The following TTC7A variants were observed in gnomAD, a reference collection of about 807,000 sequenced individuals.
TTC7A encodes tetratricopeptide repeat domain 7A.
In TTC7A, 110 loss-of-function variants were observed where a neutral mutation model predicts 103.7. The ratio of observed to expected loss-of-function variants is 1.06; its 90% CI spans 0.91 to 1.24. TTC7A has a LOEUF of 1.24. Ranked by LOEUF, TTC7A falls within the 50% of genes most tolerant of loss-of-function variation. TTC7A has a pLI of 0.00. For missense variants in TTC7A, 1,340 were observed against 1,116.3 expected (o/e 1.20, Z -2.86); for synonymous variants, 521 against 467.9 (o/e 1.11, Z -1.47).
chr2:47,061,206 A>T (rs547520838), intron 19 of TTC7A, among the ~76,000 whole-genome samples: 129 of 152,242 alleles, frequency 8.5e-4, no homozygotes, highest in African/African-American at 2.9e-3. Context: ...GTCTGTGTTG[A>T]TGACAAAATC....
At chr2:46,946,327 A>T (rs1031884602) in intron 1 of TTC7A, among the ~76,000 whole-genome samples, 2 of 152,238 alleles carry the variant, frequency 1.3e-5, no homozygotes, top group Non-Finnish European at 2.9e-5. Flanking sequence ...TGGGATAGGT[A>T]GTAGGTTTCG....
At chr2:46,986,314 G>A (rs1675002149) in intron 5 of TTC7A, among the ~76,000 whole-genome samples, 1 of 152,218 alleles carries the variant, frequency 6.6e-6, no homozygotes, top group Non-Finnish European at 1.5e-5. Flanking sequence ...CGTGAGGGGA[G>A]TCAGGTTTAG....
At chr2:47,017,923 A>G (rs952745408) in intron 11 of TTC7A, among the ~76,000 whole-genome samples, 4 of 122,412 alleles carry the variant, frequency 3.3e-5, no homozygotes, top group African/African-American at 9.4e-5. Context: ...TATAATACAT[A>G]TACAAAATAT....
intron 19 of TTC7A, among the ~76,000 whole-genome samples, chr2:47,072,387 C>T (rs1412819090): frequency 6.6e-6 from 1 of 152,240 alleles, no homozygotes; most frequent in Non-Finnish European, 1.5e-5. Context: ...GCCAGCGCCT[C>T]TGGAGAGGGA....
At chr2:46,976,225 G>A (rs192509066) in intron 4 of TTC7A, among the ~76,000 whole-genome samples, 3 of 152,150 alleles carry the variant, frequency 2.0e-5, no homozygotes, top group African/African-American at 7.2e-5. Flanking sequence ...GGATGAAATC[G>A]GTCCTGTTGT....
intron 3 of TTC7A, among the ~76,000 whole-genome samples, chr2:46,965,404 C>T: frequency 6.6e-6 from 1 of 152,166 alleles, no homozygotes. Context: ...GTCCCTGTGG[C>T]ACTGCTGTCT....
Position 46,967,083 on chromosome 2 carries a change from C to T in TTC7A, c.518-7890C>T, listed in dbSNP as rs553002550. On this transcript the variant is annotated intron_variant, in intron 3 of 19. Coordinates refer to ENST00000319190, the MANE Select transcript of TTC7A (RefSeq NM_020458.4). ...TAAAAATTAGCCAGGCGTGGTGGCG[C>T]GTGCCTGTAATTCCAGCTACTCAGG... Among the ~76,000 whole-genome samples, 264 of 152,040 alleles carry T rather than the reference C, an allele frequency of 1.7e-3. 1 individual carries two copies. The highest frequency in any genetic ancestry group is 6.8e-3 in the Middle Eastern group (2 of 294).
chr2:47,006,693 A>C lies in TTC7A; in HGVS notation c.1256A>C (p.Gln419Pro). 1 of 1,614,180 alleles carries C rather than the reference A, an allele frequency of 6.2e-7. No homozygotes were observed. The highest frequency in any genetic ancestry group is 8.5e-7 in the Non-Finnish European group (1 of 1,180,008). Reference sequence around the variant, plus strand: ...TTTGGAGAATTTCACCTTTGGTACCAGGTGGCCCTCTCCATGGTGGCTTGT... The same window carrying C: ...TTTGGAGAATTTCACCTTTGGTACCCGGTGGCCCTCTCCATGGTGGCTTGT... ...FAFGEFHLWY[Q>P]VALSMVACGK... The change falls in exon 10 of 20, where the codon CAG (glutamine) becomes CCG (proline). Residue 419 changes from glutamine (Q) to proline (P), a missense_variant. Gln to Pro is a moderately conservative substitution (Grantham distance 76, BLOSUM62 -1). Transcript: ENST00000319190.
At chr2:47,006,969 G>A (rs1021715144) in intron 10 of TTC7A, among the ~76,000 whole-genome samples, 1 of 152,182 alleles carries the variant, frequency 6.6e-6, no homozygotes, top group African/African-American at 2.4e-5. Context: ...CTGAGCGTGC[G>A]TACATGCATG....
intron 19 of TTC7A, among the ~76,000 whole-genome samples, chr2:47,071,389 C>T (rs1684693452): frequency 6.6e-6 from 1 of 152,134 alleles, no homozygotes; most frequent in African/African-American, 2.4e-5. Flanking sequence ...GAGCCATGCC[C>T]TCTCCCAGCT....
chr2:46,942,735 TTC>T (rs1254026210), intron 1 of TTC7A, among the ~76,000 whole-genome samples: 1 of 152,164 alleles, frequency 6.6e-6, no homozygotes, highest in Non-Finnish European at 1.5e-5. Flanking sequence ...GTGCCCAGGT[TTC>T]TGAGTACATC....
At chr2:46,925,306 C>T (rs190698417) in intron 2 of TTC7A, among the ~76,000 whole-genome samples, 1 of 152,228 alleles carries the variant, frequency 6.6e-6, no homozygotes, top group East Asian at 1.9e-4. Context: ...GCCTATAATC[C>T]CAGCACTTTG....
chr2:46,926,218 G>A (rs182904736), intron 2 of TTC7A, among the ~76,000 whole-genome samples: 1 of 152,214 alleles, frequency 6.6e-6, no homozygotes, highest in East Asian at 1.9e-4. Flanking sequence ...TCTCCTCAGA[G>A]TGGAGCAGTG....
At chr2:46,973,917 CAA>C (rs1157592474) in intron 3 of TTC7A, among the ~76,000 whole-genome samples, 1 of 152,190 alleles carries the variant, frequency 6.6e-6, no homozygotes. Context: ...TTCCCCAAAA[CAA>C]GAACGTTTTG....
intron 2 of TTC7A, among the ~76,000 whole-genome samples, chr2:46,934,887 G>A (rs1330178179): frequency 7.8e-6 from 1 of 128,702 alleles, no homozygotes; most frequent in African/African-American, 3.0e-5. Context: ...TGCAACCTCC[G>A]CCTCCCGGGT....
intron 14 of TTC7A, among the ~76,000 whole-genome samples, chr2:47,027,914 C>A (rs1558597976): frequency 6.6e-6 from 1 of 152,202 alleles, no homozygotes. Flanking sequence ...TGCCGGAATT[C>A]TTTTTTCTCC....
chr2:46,931,936 G>A (rs1669728301), intron 2 of TTC7A, among the ~76,000 whole-genome samples: 1 of 152,176 alleles, frequency 6.6e-6, no homozygotes, highest in South Asian at 2.1e-4. Context: ...TTCCAGAAAT[G>A]TGAGGACGGT....
chr2:47,073,500 G>C (rs78575079), intron 19 of TTC7A, among the ~76,000 whole-genome samples: 1 of 152,266 alleles, frequency 6.6e-6, no homozygotes, highest in South Asian at 2.1e-4. Flanking sequence ...CCAGGAGGCT[G>C]GGGTTAAAGC....
At chr2:46,956,679 G>A (rs1410424322) in intron 2 of TTC7A, 160 bp from the exon 3 acceptor site, 11 of 700,404 alleles carry the variant, frequency 1.6e-5, no homozygotes, top group South Asian at 5.1e-5. Flanking sequence ...GGGTGAGAGC[G>A]GGGAGCTGTC....
Sources: allele counts gnomAD v4.1 joint callset (sites outside exome capture counted in the v4.1 genomes callset), GRCh38; gene constraint gnomAD v4.1.1; transcripts MANE v1.5; gene names NCBI Gene and HGNC (gene_info 2026-07-23, HGNC 2026-07-21).